Variants in TRPM3 observed in about 807,000 individuals in gnomAD.
TRPM3 encodes the protein long transient receptor potential channel 3.
A neutral mutation model predicts 181.2 loss-of-function variants in TRPM3; 77 were observed. The ratio of observed to expected loss-of-function variants is 0.42; its 90% CI spans 0.35 to 0.51. TRPM3 has a LOEUF of 0.51. Among genes scored for constraint, TRPM3 ranks in the 20% least tolerant of loss-of-function variants. The probability of loss-of-function intolerance (pLI) is 0.01; values close to 1 mark genes in which losing one functional copy is unlikely to be tolerated. For synonymous variants in TRPM3, 745 were observed against 796.4 expected, an observed-to-expected ratio of 0.94 and a Z score of 1.09; for missense variants, 1,759 against 2,196.7, an observed-to-expected ratio of 0.80 and a Z score of 3.98.
chr9:71,291,747 G>C (rs2085832833), intron 1 of TRPM3, among the ~76,000 whole-genome samples: 1 of 151,252 alleles, frequency 6.6e-6, no homozygotes, highest in Admixed American at 6.6e-5. Flanking sequence ...CTGATACACT[G>C]ATAATTGATA....
chr9:70,557,911 T>C (rs1156428724), intron 22 of TRPM3, among the ~76,000 whole-genome samples: 1 of 152,206 alleles, frequency 6.6e-6, no homozygotes, highest in Non-Finnish European at 1.5e-5. Flanking sequence ...GCCCAGTGTA[T>C]ATTTCCCCAT....
intron 1 of TRPM3, among the ~76,000 whole-genome samples, chr9:70,980,370 AAG>A (rs150201490): frequency 1.6e-3 from 241 of 146,624 alleles, no homozygotes; most frequent in Middle Eastern, 7.1e-3. Flanking sequence ...AGAAGGGGGA[AAG>A]AGAGAGAGAG....
intron 1 of TRPM3, among the ~76,000 whole-genome samples, chr9:71,401,548 A>G (rs2093341369): frequency 1.3e-5 from 2 of 152,246 alleles, no homozygotes; most frequent in South Asian, 4.1e-4. Context: ...CAGAATCTAA[A>G]GCGAAGTTGA....
At chr9:71,414,141 T>A (rs968966883) in intron 1 of TRPM3, among the ~76,000 whole-genome samples, 14 of 152,100 alleles carry the variant, frequency 9.2e-5, no homozygotes, top group African/African-American at 3.1e-4. Context: ...CTATAACCTT[T>A]CTCTCTCACA....
intron 6 of TRPM3, among the ~76,000 whole-genome samples, chr9:70,821,807 T>C (rs906803374): frequency 6.6e-6 from 1 of 152,216 alleles, no homozygotes; most frequent in African/African-American, 2.4e-5. Flanking sequence ...CTCTTGCTTC[T>C]CCATCTCTCT....
rs541639251 is a variant in TRPM3 at position 70,621,037 on chromosome 9, A to G, written c.1839+207T>C. On this transcript the variant is annotated intron_variant, in intron 15 of 25. Coordinates refer to ENST00000677713, the MANE Select transcript of TRPM3 (RefSeq NM_001366145.2). Reference sequence around the variant, plus strand: ...ATATATATATTATTATATATATATAATATATACATACTATAGTATGTAGTA... The same window carrying G: ...ATATATATATTATTATATATATATAGTATATACATACTATAGTATGTAGTA... Among the ~76,000 whole-genome samples, 240 of 145,752 alleles carry G rather than the reference A, an allele frequency of 1.6e-3. 1 individual carries two copies. The highest frequency in any genetic ancestry group is 5.6e-3 in the African/African-American group (226 of 40,018).
At chr9:70,776,420 A>G in intron 7 of TRPM3, 2 of 712,002 alleles carry the variant, frequency 2.8e-6, no homozygotes, top group South Asian at 3.0e-5. Context: ...GCACCATTTC[A>G]CTTCTAAATA....
intron 8 of TRPM3, among the ~76,000 whole-genome samples, chr9:70,697,611 G>A (rs2070967136): frequency 6.6e-6 from 1 of 152,112 alleles, no homozygotes; most frequent in Non-Finnish European, 1.5e-5. Context: ...GACTGTTTAG[G>A]AGTGACAGCT....
intron 8 of TRPM3, among the ~76,000 whole-genome samples, chr9:70,682,820 T>C (rs2065809329): frequency 6.6e-6 from 1 of 152,222 alleles, no homozygotes; most frequent in African/African-American, 2.4e-5. Flanking sequence ...GTTTCATGCC[T>C]CGAGCTTATC....
chr9:71,197,928 A>C (rs1013127811), intron 1 of TRPM3, among the ~76,000 whole-genome samples: 3 of 151,050 alleles, frequency 2.0e-5, no homozygotes, highest in African/African-American at 7.3e-5. Context: ...TTGGTGTTTC[A>C]GACATGAAGT....
At position 70,827,827 on chromosome 9, in the gene TRPM3, T is replaced by C; in HGVS notation, c.973+20A>G. On this transcript the variant is annotated intron_variant, in intron 6 of 25. Transcript: ENST00000677713. ...GCATACCTCCTACGAGCCATGCCAGTGGGAACAACCGCTACTTACTTGTGT... is the reference window on the plus strand; with the variant it reads ...GCATACCTCCTACGAGCCATGCCAGCGGGAACAACCGCTACTTACTTGTGT... The C allele has an allele frequency of 1.9e-6, 3 of 1,611,728 alleles. No homozygotes were observed. The highest frequency in any genetic ancestry group is 2.5e-6 in the Non-Finnish European group (3 of 1,178,256).
At chr9:71,432,734 T>A (rs1235354992) in intron 1 of TRPM3, among the ~76,000 whole-genome samples, 2 of 152,220 alleles carry the variant, frequency 1.3e-5, no homozygotes, top group Non-Finnish European at 2.9e-5. Flanking sequence ...TTTAGAGGGA[T>A]GACTTTGTGA....
In TRPM3 at chr9:70,755,669, C is replaced by T. The variant is rs567218413; in HGVS notation, c.1272+5932G>A. ...GGTGTGAGCCACCAGACCCGGCCAT[C>T]GACATTCTTAAAGAAAAGAATTTTC... On this transcript the variant is annotated intron_variant, in intron 8 of 25. Transcript: ENST00000677713. 6.6e-5 allele frequency among the ~76,000 whole-genome samples: 10 copies of T among 152,122 alleles called. No homozygotes were observed. In the South Asian group the frequency reaches 1.2e-3, roughly 19 times the overall value.
chr9:70,999,061 A>G (rs972160327), intron 1 of TRPM3, among the ~76,000 whole-genome samples: 1 of 151,968 alleles, frequency 6.6e-6, no homozygotes, highest in Admixed American at 6.6e-5. Flanking sequence ...GTTCCTTTCA[A>G]TTTTACCTCA....
intron 1 of TRPM3, among the ~76,000 whole-genome samples, chr9:71,331,801 GAGAAAGACGAGGAGAGAGGAGA>G (rs1275477878): frequency 3.7e-4 from 5 of 13,652 alleles, no homozygotes; most frequent in African/African-American, 6.4e-4. Context: ...GGAGAGGGAG[GAGAAAGACGAGGAGAGAGGAGA>G]AGGAAGAGGA....
chr9:71,378,181 T>TA (rs1588736441), intron 1 of TRPM3, among the ~76,000 whole-genome samples: 1 of 152,002 alleles, frequency 6.6e-6, no homozygotes, highest in African/African-American at 2.4e-5. Context: ...AAAGAGAAGA[T>TA]ACGCAAATAG....
intron 1 of TRPM3, among the ~76,000 whole-genome samples, chr9:71,059,124 G>A (rs1720963626): frequency 2.3e-5 from 3 of 130,542 alleles, no homozygotes; most frequent in Non-Finnish European, 1.6e-5. Flanking sequence ...AGAAAGACTT[G>A]TTAAAGGTTA....
chr9:71,194,095 A>AC (rs1330864300), intron 1 of TRPM3, among the ~76,000 whole-genome samples: 1 of 151,884 alleles, frequency 6.6e-6, no homozygotes, highest in Non-Finnish European at 1.5e-5. Flanking sequence ...GTAATTTGTC[A>AC]CCATAATGGG....
At chr9:70,636,391 CTGTT>C (rs993241104) in intron 11 of TRPM3, among the ~76,000 whole-genome samples, 2 of 151,776 alleles carry the variant, frequency 1.3e-5, no homozygotes, top group African/African-American at 2.4e-5. Context: ...AAGCCACAGA[CTGTT>C]TGGGAAAAAG....
Sources: allele counts gnomAD v4.1 joint callset (sites outside exome capture counted in the v4.1 genomes callset), GRCh38; gene constraint gnomAD v4.1.1; transcripts MANE v1.5; gene names NCBI Gene and HGNC (gene_info 2026-07-23, HGNC 2026-07-21).